CFAP299: variants seen among roughly 807,000 people sequenced by gnomAD.
The protein encoded by CFAP299 is cilia- and flagella-associated protein 299.
Under a neutral mutation model 27.0 loss-of-function variants are expected in CFAP299, and 21 were observed. The ratio of observed to expected loss-of-function variants is 0.78; its 90% confidence interval spans 0.55 to 1.12. The LOEUF is 1.12. CFAP299 is among the 50% of genes most tolerant of loss of function. The probability of loss-of-function intolerance (pLI) is 0.00; values close to 1 mark genes in which losing one functional copy is unlikely to be tolerated. For missense variants in CFAP299, 310 were observed against 276.6 expected (o/e 1.12, Z -0.86); for synonymous variants, 104 against 98.1 (o/e 1.06, Z -0.36).
chr4:80,796,583 G>T (rs1278171695), intron 3 of CFAP299, among the ~76,000 whole-genome samples: 1 of 151,984 alleles, frequency 6.6e-6, no homozygotes, highest in East Asian at 1.9e-4. Context: ...ATGGAGAAAA[G>T]GCAATGAAAC....
intron 1 of CFAP299, among the ~76,000 whole-genome samples, chr4:80,339,696 C>T (rs1722345646): frequency 6.6e-6 from 1 of 152,198 alleles, no homozygotes; most frequent in Non-Finnish European, 1.5e-5. Flanking sequence ...TTAGTATTAT[C>T]TAACCTAATT....
intron 3 of CFAP299, among the ~76,000 whole-genome samples, chr4:80,692,586 A>T (rs1269240950): frequency 6.6e-6 from 1 of 152,198 alleles, no homozygotes; most frequent in East Asian, 1.9e-4. Context: ...TAAAACCATA[A>T]AAAACCCTAG....
intron 2 of CFAP299, among the ~76,000 whole-genome samples, chr4:80,365,570 A>G (rs985266672): frequency 1.3e-5 from 2 of 152,216 alleles, no homozygotes; most frequent in Non-Finnish European, 2.9e-5. Flanking sequence ...ATAGTTATTC[A>G]CTATCAACTT....
chr4:80,873,286 A>G (rs1733205504), intron 4 of CFAP299, among the ~76,000 whole-genome samples: 1 of 152,154 alleles, frequency 6.6e-6, no homozygotes, highest in Non-Finnish European at 1.5e-5. Context: ...TATTCTATGC[A>G]GAGACAAACA....
Position 80,611,873 on chromosome 4 carries a change from CTG to C in CFAP299, c.333+28692_333+28693del, listed in dbSNP as rs576363272. ...GTGTCATTACAGCCTACACCATACA[CTG>C]TCCCAAGCAGAGAATTCTTCAAGTA... is the stretch of plus-strand genomic sequence containing the variant. On this transcript the variant is annotated intron_variant, in intron 3 of 5. Transcript: ENST00000358105. Among the ~76,000 whole-genome samples the C allele has an allele frequency of 7.2e-5, 11 of 152,164 alleles. No individual in the cohort carries two copies. The East Asian group carries it at 1.5e-3, about 21-fold the overall frequency.
intron 3 of CFAP299, among the ~76,000 whole-genome samples, chr4:80,762,914 C>T (rs1432151099): frequency 6.6e-6 from 1 of 152,200 alleles, no homozygotes; most frequent in Non-Finnish European, 1.5e-5. Flanking sequence ...GCTGATGTAA[C>T]TGGATCACAG....
chr4:80,486,676 G>A (rs1159743564), intron 2 of CFAP299, among the ~76,000 whole-genome samples: 1 of 152,210 alleles, frequency 6.6e-6, no homozygotes, highest in Non-Finnish European at 1.5e-5. Flanking sequence ...GTGTATCTCT[G>A]TCAGTACACC....
chr4:80,509,783 G>C (rs1198977561), intron 2 of CFAP299, among the ~76,000 whole-genome samples: 1 of 151,914 alleles, frequency 6.6e-6, no homozygotes, highest in Non-Finnish European at 1.5e-5. Context: ...TGAGTGATGA[G>C]ACATCTAACT....
intron 2 of CFAP299, among the ~76,000 whole-genome samples, chr4:80,369,766 A>G (rs1323550592): frequency 6.6e-6 from 1 of 152,202 alleles, no homozygotes; most frequent in Non-Finnish European, 1.5e-5. Flanking sequence ...CTTGGTGAGT[A>G]TCCTAGTGCA....
chr4:80,549,180 C>G (rs1409428314), intron 2 of CFAP299, among the ~76,000 whole-genome samples: 1 of 152,082 alleles, frequency 6.6e-6, no homozygotes, highest in Non-Finnish European at 1.5e-5. Context: ...GTAACACACA[C>G]ACACACACAA....
At chr4:80,680,736 A>G (rs959051622) in intron 3 of CFAP299, among the ~76,000 whole-genome samples, 10 of 152,176 alleles carry the variant, frequency 6.6e-5, no homozygotes, top group African/African-American at 2.2e-4. Context: ...TTCATTTAGC[A>G]TTATTAAGGC....
At chr4:80,333,816 A>T (rs1722026534), upstream of CFAP299, among the ~76,000 whole-genome samples, 1 of 152,218 alleles carries the variant, frequency 6.6e-6, no homozygotes, top group Non-Finnish European at 1.5e-5. Flanking sequence ...AATGCATGTT[A>T]TCCAAAATAA....
At chr4:80,905,065 A>C (rs1735115474) in intron 4 of CFAP299, among the ~76,000 whole-genome samples, 1 of 152,240 alleles carries the variant, frequency 6.6e-6, no homozygotes, top group African/African-American at 2.4e-5. Context: ...ATTTTGTAAT[A>C]AAAACATAAT....
intron 2 of CFAP299, among the ~76,000 whole-genome samples, chr4:80,477,093 C>T (rs527623170): frequency 6.6e-6 from 1 of 152,148 alleles, no homozygotes; most frequent in South Asian, 2.1e-4. Context: ...ATTCTGTTGC[C>T]TAGCAAGTTA....
intron 2 of CFAP299, among the ~76,000 whole-genome samples, chr4:80,453,871 T>TAAC (rs1258639057): frequency 6.8e-6 from 1 of 147,724 alleles, no homozygotes; most frequent in East Asian, 2.0e-4. Flanking sequence ...ATAATAATAA[T>TAAC]AATAATAATA....
At chr4:80,799,686 TA>T (rs1188843202) in intron 3 of CFAP299, among the ~76,000 whole-genome samples, 25 of 46,102 alleles carry the variant, frequency 5.4e-4, no homozygotes, top group Middle Eastern at 0.033. Context: ...TATTTATAAA[TA>T]TATAATATAT....
intron 3 of CFAP299, among the ~76,000 whole-genome samples, chr4:80,611,461 G>A (rs895789404): frequency 2.0e-5 from 3 of 152,052 alleles, no homozygotes; most frequent in African/African-American, 7.2e-5. Flanking sequence ...CAATCTAAAT[G>A]TGCCCTTTAG....
At chr4:80,882,035 AT>A (rs777115482) in intron 4 of CFAP299, among the ~76,000 whole-genome samples, 2 of 152,178 alleles carry the variant, frequency 1.3e-5, no homozygotes, top group Non-Finnish European at 2.9e-5. Context: ...AAGACAGGTT[AT>A]TTTAAATTGT....
In CFAP299 at chr4:80,870,050, G is replaced by A. The variant is rs371270475; in HGVS notation, c.391G>A (p.Asp131Asn). ...TGGGCAAGAGATATCAGGATACATC[G>A]ACTATGCCCACAGGCTAAAGACGGA... is the stretch of plus-strand genomic sequence containing the variant. ...SHGQEISGYI[D>N]YAHRLKTEDF... The change falls in exon 4 of 6, where the codon GAC becomes AAC. Residue 131 changes from aspartate (D) to asparagine (N), a missense_variant. Coordinates refer to ENST00000358105, the MANE Select transcript of CFAP299 (RefSeq NM_152770.3). 9.0e-5 allele frequency: 145 copies of A among 1,613,330 alleles called. No individual in the cohort carries two copies. Among genetic ancestry groups the A allele is most frequent in the Middle Eastern group, 1.6e-4 (1 of 6,080 alleles).
Sources: gnomAD v4.1 joint callset for allele counts (sites outside exome capture counted in the v4.1 genomes callset) on GRCh38, gnomAD v4.1.1 for gene constraint, MANE v1.5 for transcripts, NCBI Gene and HGNC (gene_info 2026-07-23, HGNC 2026-07-21) for gene names.